The following CFAP61 variants were observed in gnomAD, a reference collection of about 807,000 sequenced individuals.
CFAP61 encodes cilia and flagella associated protein 61.
CFAP61 carries 107 observed loss-of-function variants against 135.6 expected under a neutral mutation model. The ratio of observed to expected loss-of-function variants is 0.79; its 90% CI spans 0.67 to 0.93. The LOEUF (loss-of-function observed/expected upper bound fraction) is 0.93, where lower values mean the gene tolerates loss of function less well. Ranked by LOEUF, CFAP61 falls within the 40% of genes least tolerant of loss-of-function variation. The pLI is 0.00. For synonymous variants in CFAP61, 575 were observed against 578.5 expected (o/e 0.99, Z 0.09); for missense variants, 1,507 against 1,556.2 (o/e 0.97, Z 0.53).
At chr20:20,140,120 T>C (rs1287874766) in intron 8 of CFAP61, among the ~76,000 whole-genome samples, 1 of 124,878 alleles carries the variant, frequency 8.0e-6, no homozygotes, top group East Asian at 2.0e-4. Flanking sequence ...AACCTCTGGG[T>C]GCTGGAAATT....
intron 20 of CFAP61, among the ~76,000 whole-genome samples, chr20:20,255,823 T>C (rs890227262): frequency 6.6e-6 from 1 of 152,228 alleles, no homozygotes; most frequent in African/African-American, 2.4e-5. Context: ...AGGTAGAGTC[T>C]ATGTCTCCTC....
intron 17 of CFAP61, among the ~76,000 whole-genome samples, chr20:20,209,404 G>A (rs978294748): frequency 1.3e-5 from 2 of 152,160 alleles, no homozygotes; most frequent in African/African-American, 2.4e-5. Flanking sequence ...AAAGCATAAA[G>A]TTTTAGAATT....
chr20:20,190,875 C>T (rs1343243357), intron 14 of CFAP61, among the ~76,000 whole-genome samples: 4 of 152,066 alleles, frequency 2.6e-5, no homozygotes, highest in Non-Finnish European at 2.9e-5. Flanking sequence ...TCCTAGCACT[C>T]TGGGAGCCCA....
intron 2 of CFAP61, among the ~76,000 whole-genome samples, chr20:20,070,542 G>A (rs1467258163): frequency 6.6e-6 from 1 of 152,212 alleles, no homozygotes; most frequent in African/African-American, 2.4e-5. Flanking sequence ...GCAACATGGA[G>A]AGGATAGGGG....
chr20:20,272,528 T>G (rs1420422358), intron 21 of CFAP61, among the ~76,000 whole-genome samples: 1 of 152,204 alleles, frequency 6.6e-6, no homozygotes, highest in Non-Finnish European at 1.5e-5. Flanking sequence ...TATACAGCTA[T>G]CACGCTGTTC....
chr20:20,185,990 A>AT (rs1178459386), intron 13 of CFAP61, among the ~76,000 whole-genome samples: 2 of 152,200 alleles, frequency 1.3e-5, no homozygotes, highest in East Asian at 3.9e-4. Context: ...TTATTTTGGC[A>AT]TTACATATAT....
At chr20:20,254,294 T>C (rs1473991565) in intron 20 of CFAP61, among the ~76,000 whole-genome samples, 1 of 151,184 alleles carries the variant, frequency 6.6e-6, no homozygotes, top group Non-Finnish European at 1.5e-5. Context: ...ATTTAAGTAT[T>C]CCTCTGACTT....
intron 25 of CFAP61, among the ~76,000 whole-genome samples, chr20:20,308,554 G>A (rs2122182613): frequency 1.3e-5 from 2 of 152,264 alleles, no homozygotes; most frequent in South Asian, 4.2e-4. Flanking sequence ...TGCTGGGTGA[G>A]ATAAAAATTC....
chr20:20,166,218 T>C (rs1451710420), intron 11 of CFAP61, among the ~76,000 whole-genome samples, 179 bp from the exon 12 acceptor site: 3 of 152,236 alleles, frequency 2.0e-5, no homozygotes, highest in Non-Finnish European at 4.4e-5. Flanking sequence ...CAGAATACTT[T>C]ATTACTGACA....
chr20:20,080,667 G>T (rs762545892), intron 6 of CFAP61, among the ~76,000 whole-genome samples: 34 of 152,122 alleles, frequency 2.2e-4, no homozygotes, highest in Non-Finnish European at 4.4e-4. Context: ...AAATAGAGTT[G>T]TTTCCTTACA....
At chr20:20,064,165 T>C (rs1030395090) in intron 2 of CFAP61, among the ~76,000 whole-genome samples, 1 of 152,034 alleles carries the variant, frequency 6.6e-6, no homozygotes, top group African/African-American at 2.4e-5. Flanking sequence ...CACCCACAAA[T>C]GTAACGGCTT....
At chr20:20,355,252 G>A (rs1260192725) in intron 26 of CFAP61, among the ~76,000 whole-genome samples, 1 of 148,192 alleles carries the variant, frequency 6.7e-6, no homozygotes, top group Non-Finnish European at 1.5e-5. Context: ...CACACTGTGA[G>A]AGGAGGTGGT....
At position 20,360,436 on chromosome 20, in the gene CFAP61, G is replaced by T. The variant is rs1602210086; in HGVS notation, c.*26G>T. On this transcript the variant is annotated 3_prime_UTR_variant, in exon 27 of 27. Transcript: ENST00000245957. The stretch of plus-strand genomic sequence containing the variant: ...TTGTAGGCAGGGTCTCCCCTTTATG[G>T]TTTTCATTTATTTAGTTCCTGGAAA... The T allele has an allele frequency of 6.2e-7, 1 of 1,602,360 alleles. No homozygotes were observed. The highest frequency in any genetic ancestry group is 2.2e-5 in the East Asian group (1 of 44,784).
intron 15 of CFAP61, among the ~76,000 whole-genome samples, chr20:20,191,630 G>C (rs1361168977): frequency 1.3e-5 from 2 of 151,956 alleles, no homozygotes; most frequent in Non-Finnish European, 2.9e-5. Context: ...ATATTACAAA[G>C]ACCACATGAA....
chr20:20,205,089 G>C (rs1322113698), intron 17 of CFAP61, among the ~76,000 whole-genome samples: 1 of 151,914 alleles, frequency 6.6e-6, no homozygotes, highest in African/African-American at 2.4e-5. Flanking sequence ...TATTATATAA[G>C]TGTCTATTAT....
chr20:20,360,422 G>T lies in CFAP61; in HGVS notation c.*12G>T, dbSNP rs1253893786. ...CAGGCATCGTTTAGTTGTAGGCAGG[G>T]TCTCCCCTTTATGGTTTTCATTTAT... On this transcript the variant is annotated 3_prime_UTR_variant, in exon 27 of 27. Coordinates refer to ENST00000245957, the MANE Select transcript of CFAP61 (RefSeq NM_015585.4). The T allele has an allele frequency of 5.0e-6, 8 of 1,612,310 alleles. No homozygotes were observed. In the Admixed American group the frequency reaches 8.3e-5, roughly 17 times the overall value.
chr20:20,065,009 A>T (rs2045133674), intron 2 of CFAP61, among the ~76,000 whole-genome samples: 1 of 152,202 alleles, frequency 6.6e-6, no homozygotes, highest in Non-Finnish European at 1.5e-5. Flanking sequence ...CAGGATAGAG[A>T]TCCCAGAAAC....
At chr20:20,200,387 G>A (rs973904528) in intron 17 of CFAP61, among the ~76,000 whole-genome samples, 11 of 152,134 alleles carry the variant, frequency 7.2e-5, no homozygotes, top group Non-Finnish European at 1.2e-4. Context: ...GAATCAAGAT[G>A]ATTAACAGAA....
intron 25 of CFAP61, among the ~76,000 whole-genome samples, chr20:20,313,357 A>G (rs1470834717): frequency 2.0e-5 from 3 of 152,240 alleles, no homozygotes; most frequent in Admixed American, 6.5e-5. Flanking sequence ...CACCCAATCT[A>G]TAGCATTTTG....
Sources: allele counts gnomAD v4.1 joint callset (sites outside exome capture counted in the v4.1 genomes callset), GRCh38; gene constraint gnomAD v4.1.1; transcripts MANE v1.5; gene names NCBI Gene and HGNC (gene_info 2026-07-23, HGNC 2026-07-21).